The following GLI2 variants were observed in gnomAD, a reference collection of about 807,000 sequenced individuals.
GLI2 encodes GLI family zinc finger 2.
Under a neutral mutation model 78.9 loss-of-function variants are expected in GLI2, and 22 were observed. That is an observed-to-expected ratio of 0.28 (90% confidence interval 0.20 to 0.40). The LOEUF is 0.40. Among genes scored for constraint, GLI2 ranks in the 10% least tolerant of loss-of-function variants. The pLI, the probability that GLI2 is intolerant of heterozygous loss-of-function variation, is 1.00. For missense variants in GLI2, 2,097 were observed against 2,213.2 expected, an observed-to-expected ratio of 0.95 and a Z score of 1.05; for synonymous variants, 974 against 963.7, an observed-to-expected ratio of 1.01 and a Z score of -0.20.
At chr2:120,930,543 A>G (rs1026857528) in intron 3 of GLI2, among the ~76,000 whole-genome samples, 2 of 152,186 alleles carry the variant, frequency 1.3e-5, no homozygotes, top group Admixed American at 1.3e-4. Context: ...CCTTCTTGAC[A>G]GCACCTCGGC....
At chr2:120,814,072 A>AT (rs1232793333) in intron 2 of GLI2, among the ~76,000 whole-genome samples, 1 of 151,694 alleles carries the variant, frequency 6.6e-6, no homozygotes, top group African/African-American at 2.4e-5. Flanking sequence ...TGGTTATCCC[A>AT]TCCCAGAGAA....
chr2:120,783,347 C>G (rs1683901614), intron 1 of GLI2, among the ~76,000 whole-genome samples: 5 of 152,106 alleles, frequency 3.3e-5, no homozygotes, highest in Admixed American at 2.6e-4. Context: ...CCAAGGAACC[C>G]AGAGCCAAGC....
intron 2 of GLI2, among the ~76,000 whole-genome samples, chr2:120,900,724 G>C (rs17005365): frequency 6.6e-6 from 1 of 152,198 alleles, no homozygotes; most frequent in African/African-American, 2.4e-5. Context: ...AGGGATGTGC[G>C]TGGAGACGGA....
chr2:120,921,516 C>T (rs936633136), intron 2 of GLI2, among the ~76,000 whole-genome samples: 8 of 152,130 alleles, frequency 5.3e-5, no homozygotes, highest in African/African-American at 1.9e-4. Context: ...CAACCATTTA[C>T]AGATAGCAGG....
chr2:120,923,572 C>A (rs941543075), intron 2 of GLI2, among the ~76,000 whole-genome samples: 1 of 151,960 alleles, frequency 6.6e-6, no homozygotes, highest in Non-Finnish European at 1.5e-5. Flanking sequence ...ACATACACAG[C>A]AACACATACA....
At chr2:120,833,676 C>T (rs1468771722) in intron 2 of GLI2, among the ~76,000 whole-genome samples, 1 of 152,166 alleles carries the variant, frequency 6.6e-6, no homozygotes, top group Non-Finnish European at 1.5e-5. Flanking sequence ...CTCCCACCAC[C>T]GAGGTCAGCT....
At chr2:120,827,193 T>G (rs1371896388) in intron 2 of GLI2, among the ~76,000 whole-genome samples, 1 of 152,208 alleles carries the variant, frequency 6.6e-6, no homozygotes, top group Non-Finnish European at 1.5e-5. Context: ...GACCCGTGGC[T>G]GTCTTCTTTC....
intron 13 of GLI2, among the ~76,000 whole-genome samples, 199 bp from the exon 14 acceptor site, chr2:120,988,009 C>T (rs111330576): frequency 1.3e-5 from 2 of 152,286 alleles, no homozygotes; most frequent in African/African-American, 4.8e-5. Flanking sequence ...GGGAGGATCC[C>T]TTGAGCCCAG....
intron 1 of GLI2, among the ~76,000 whole-genome samples, chr2:120,794,557 G>C (rs952510152): frequency 6.6e-6 from 1 of 152,110 alleles, no homozygotes; most frequent in East Asian, 1.9e-4. Flanking sequence ...AGCAGCCAGC[G>C]GGAGAGGCAG....
rs1484150386 is a variant in GLI2 at position 120,991,102 on chromosome 2, T to C, written c.*427T>C. ...TACTGGATACTCTGCTCCGGAAAGATGAGCTTTTTATTCTACTACTTGGAA... is the reference window on the plus strand; with the variant it reads ...TACTGGATACTCTGCTCCGGAAAGACGAGCTTTTTATTCTACTACTTGGAA... On this transcript the variant is annotated 3_prime_UTR_variant, in exon 14 of 14. Coordinates refer to ENST00000361492, the MANE Select transcript of GLI2 (RefSeq NM_001374353.1). 1 of 167,252 alleles carries C rather than the reference T, an allele frequency of 6.0e-6. No individual in the cohort carries two copies. The highest frequency in any genetic ancestry group is 2.4e-5 in the African/African-American group (1 of 41,758). The allele number at this position is 167,252 out of a possible 1,614,324, so 10.4% of individuals were successfully genotyped here. A position where few individuals can be genotyped will look rare whatever the true frequency, so the allele number is the denominator to read the frequency against.
At chr2:120,902,376 C>T (rs1042000089) in intron 2 of GLI2, among the ~76,000 whole-genome samples, 1 of 152,136 alleles carries the variant, frequency 6.6e-6, no homozygotes, top group Admixed American at 6.6e-5. Context: ...ATAATTGACA[C>T]TCTGTGGCCA....
At chr2:120,876,812 T>A (rs1375917931) in intron 2 of GLI2, among the ~76,000 whole-genome samples, 2 of 152,142 alleles carry the variant, frequency 1.3e-5, no homozygotes, top group Admixed American at 6.5e-5. Flanking sequence ...AGGTGGAGGC[T>A]CATTCTGAAA....
intron 3 of GLI2, among the ~76,000 whole-genome samples, chr2:120,930,859 C>G (rs1679915140): frequency 6.6e-6 from 1 of 152,196 alleles, no homozygotes; most frequent in South Asian, 2.1e-4. Context: ...TGGGTCTTCA[C>G]CAGGCTTTGC....
chr2:120,861,944 A>G (rs545589379), intron 2 of GLI2, among the ~76,000 whole-genome samples: 127 of 152,290 alleles, frequency 8.3e-4, no homozygotes, highest in Non-Finnish European at 5.9e-5. Context: ...TTTCTTATTA[A>G]TGAGCGAGTG....
chr2:120,961,516 G>A (rs1404096885), intron 5 of GLI2, among the ~76,000 whole-genome samples: 3 of 152,192 alleles, frequency 2.0e-5, no homozygotes, highest in African/African-American at 7.2e-5. Context: ...GCTTCACGAA[G>A]CCGCTTCACA....
Position 120,989,667 on chromosome 2 carries a change from C to T in GLI2, c.3702C>T (p.His1234=). The T allele has an allele frequency of 6.2e-7, 1 of 1,613,406 alleles. No homozygotes were observed. Among genetic ancestry groups the T allele is most frequent in the Non-Finnish European group, 8.5e-7 (1 of 1,179,980 alleles). Residue 1234 remains histidine (H), a synonymous_variant, in exon 14 of 14, where the codon CAC becomes CAT. Coordinates refer to ENST00000361492, the MANE Select transcript of GLI2 (RefSeq NM_001374353.1). ...MSPHACYGQV[H]PQLSPSTISG... ...CCCATGCCTGCTATGGCCAAGTCCA[C>T]CCCCAGCTGAGCCCCAGCACCATCA...
At chr2:120,888,379 C>T (rs1434602771) in intron 2 of GLI2, among the ~76,000 whole-genome samples, 1 of 152,236 alleles carries the variant, frequency 6.6e-6, no homozygotes, top group Admixed American at 6.5e-5. Context: ...CTCTCAATCT[C>T]ATCGTCCCCG....
intron 2 of GLI2, among the ~76,000 whole-genome samples, chr2:120,913,598 T>A (rs1678941584): frequency 2.0e-5 from 3 of 152,142 alleles, no homozygotes; most frequent in Admixed American, 1.3e-4. Context: ...TTGTAAAGGA[T>A]CCCTTTGAGT....
intron 2 of GLI2, among the ~76,000 whole-genome samples, chr2:120,811,883 A>T (rs145214505): frequency 9.0e-4 from 136 of 150,344 alleles, no homozygotes; most frequent in Middle Eastern, 3.4e-3. Flanking sequence ...CCTTTTTTCC[A>T]CAAGTGTTTA....
Sources: gnomAD v4.1 joint callset for allele counts (sites outside exome capture counted in the v4.1 genomes callset) on GRCh38, gnomAD v4.1.1 for gene constraint, MANE v1.5 for transcripts, NCBI Gene and HGNC (gene_info 2026-07-23, HGNC 2026-07-21) for gene names.